The following DCTN6 variants were observed in gnomAD, a reference collection of about 807,000 sequenced individuals.
DCTN6 encodes the protein dynactin 6.
In DCTN6, 15 loss-of-function variants were observed where a neutral mutation model predicts 25.8. The observed-to-expected ratio is 0.58, with a 90% CI of 0.39 to 0.89. DCTN6 has a LOEUF of 0.89. DCTN6 is among the 40% of genes least tolerant of loss of function. The pLI, the probability that DCTN6 is intolerant of heterozygous loss-of-function variation, is 0.00. For synonymous variants in DCTN6, 64 were observed against 78.3 expected (o/e 0.82, Z 0.96); for missense variants, 198 against 237.6 (o/e 0.83, Z 1.09).
At chr8:30,179,520 A>C in intron 5 of DCTN6, 65 bp downstream of exon 5, 1 of 1,415,510 alleles carries the variant, frequency 7.1e-7, no homozygotes. Context: ...GTGTCCTGGG[A>C]AACAACCTAA....
intron 3 of DCTN6, 190 bp from the exon 4 acceptor site, chr8:30,176,936 C>G (rs1354733350): frequency 2.2e-6 from 1 of 452,944 alleles, no homozygotes; most frequent in Non-Finnish European, 3.9e-6. Flanking sequence ...GATGGTGCCA[C>G]TGTACCAGCC....
intron 1 of DCTN6, among the ~76,000 whole-genome samples, chr8:30,160,877 A>G (rs1024871046): frequency 1.3e-5 from 2 of 152,196 alleles, no homozygotes; most frequent in African/African-American, 2.4e-5. Flanking sequence ...GCCTGTAACA[A>G]GGAATGGGAA....
chr8:30,168,585 C>A (rs367798342), intron 2 of DCTN6, among the ~76,000 whole-genome samples: 1 of 152,050 alleles, frequency 6.6e-6, no homozygotes, highest in African/African-American at 2.4e-5. Context: ...TTTCCATCTT[C>A]TAGTCATGTA....
At chr8:30,173,612 TC>T (rs1803791364) in intron 2 of DCTN6, among the ~76,000 whole-genome samples, 1 of 151,468 alleles carries the variant, frequency 6.6e-6, no homozygotes, top group South Asian at 2.1e-4. Flanking sequence ...TGCCTGTAGT[TC>T]CAGTGATTCA....
intron 2 of DCTN6, among the ~76,000 whole-genome samples, chr8:30,164,524 C>T (rs1042000410): frequency 2.6e-5 from 4 of 152,148 alleles, no homozygotes; most frequent in Non-Finnish European, 4.4e-5. Flanking sequence ...TCGTGGAGAG[C>T]GTGGGCCATG....
chr8:30,161,164 C>T (rs1324251612), intron 1 of DCTN6, among the ~76,000 whole-genome samples: 1 of 152,124 alleles, frequency 6.6e-6, no homozygotes, highest in Non-Finnish European at 1.5e-5. Flanking sequence ...GTTTTTCCTG[C>T]GCTCACACTG....
chr8:30,177,287 T>A, intron 4 of DCTN6, 73 bp downstream of exon 4: 1 of 1,239,776 alleles, frequency 8.1e-7, no homozygotes, highest in East Asian at 2.4e-5. Flanking sequence ...CCTGTAGAAA[T>A]TGTAAATAAT....
chr8:30,177,547 TA>T (rs554921432), intron 4 of DCTN6: 141 of 153,248 alleles, frequency 9.2e-4, no homozygotes, highest in South Asian at 1.9e-3. Context: ...TCTCTACTAT[TA>T]AAAAAAAAAA....
At chr8:30,160,114 C>T (rs140339351) in intron 1 of DCTN6, among the ~76,000 whole-genome samples, 8 of 152,256 alleles carry the variant, frequency 5.3e-5, no homozygotes, top group African/African-American at 1.9e-4. Flanking sequence ...CCTTATTTCA[C>T]TCCATGCCCC....
At chr8:30,171,413 C>T (rs891822504) in intron 2 of DCTN6, among the ~76,000 whole-genome samples, 3 of 152,022 alleles carry the variant, frequency 2.0e-5, no homozygotes, top group Non-Finnish European at 2.9e-5. Flanking sequence ...CCATAACTGG[C>T]CAATTTTTTT....
intron 1 of DCTN6, among the ~76,000 whole-genome samples, chr8:30,160,188 A>T (rs1875704): frequency 0.013 from 1,914 of 152,268 alleles, 39 homozygotes; most frequent in East Asian, 0.055. Flanking sequence ...TCATTTTGAA[A>T]TGTAGTTCCC....
chr8:30,180,818 G>A (rs1014824533), intron 6 of DCTN6, 188 bp downstream of exon 6: 1 of 680,048 alleles, frequency 1.5e-6, no homozygotes. Flanking sequence ...GATGACTTGA[G>A]GGCAGGAATT....
At chr8:30,167,487 A>G (rs1425474501) in intron 2 of DCTN6, among the ~76,000 whole-genome samples, 2 of 152,124 alleles carry the variant, frequency 1.3e-5, no homozygotes, top group Non-Finnish European at 1.5e-5. Flanking sequence ...CTAGGTCTAC[A>G]GTGACGCACC....
intron 2 of DCTN6, among the ~76,000 whole-genome samples, chr8:30,173,385 C>T (rs1035128103): frequency 2.0e-5 from 3 of 152,150 alleles, no homozygotes; most frequent in African/African-American, 4.8e-5. Flanking sequence ...ATTTTTGTTG[C>T]CCCATAACAT....
chr8:30,180,406 T>C, intron 5 of DCTN6, 82 bp from the exon 6 acceptor site: 1 of 1,528,282 alleles, frequency 6.5e-7, no homozygotes, highest in Non-Finnish European at 8.8e-7. Flanking sequence ...TTTACATTTT[T>C]ATACCTAAAT....
intron 2 of DCTN6, 112 bp from the exon 3 acceptor site, chr8:30,174,973 C>A: frequency 2.1e-6 from 2 of 940,594 alleles, no homozygotes; most frequent in South Asian, 1.5e-5. Context: ...GTGCCTGGCA[C>A]ATACTTAGAA....
chr8:30,181,909 T>A (rs1236900633), intron 6 of DCTN6, among the ~76,000 whole-genome samples: 3 of 152,044 alleles, frequency 2.0e-5, no homozygotes, highest in African/African-American at 7.2e-5. Context: ...ATAACTTTGC[T>A]TCTGATTCTT....
intron 6 of DCTN6, among the ~76,000 whole-genome samples, chr8:30,181,468 T>C (rs1803909703): frequency 6.6e-6 from 1 of 152,172 alleles, no homozygotes; most frequent in Admixed American, 6.5e-5. Context: ...GAGTACATAT[T>C]TGGAGTTTAA....
At position 30,163,606 on chromosome 8, in the gene DCTN6, C is replaced by T. The variant is rs151219516; in HGVS notation, c.24-505C>T. Among the ~76,000 whole-genome samples, 732 of 152,036 alleles carry T rather than the reference C, an allele frequency of 4.8e-3. 5 individuals carry two copies. The highest frequency in any genetic ancestry group is 0.017 in the African/African-American group (691 of 41,468). On this transcript the variant is annotated intron_variant, in intron 1 of 6. Transcript: ENST00000221114. ...AAAACTCTTCTCAAGTGTTTTAGCA[C>T]ATGTGATTTGGGATGATGGACAATA...
Sources: allele counts gnomAD v4.1 joint callset (sites outside exome capture counted in the v4.1 genomes callset), GRCh38; gene constraint gnomAD v4.1.1; transcripts MANE v1.5; gene names NCBI Gene and HGNC (gene_info 2026-07-23, HGNC 2026-07-21).